Variants in SERPINI1 observed in about 807,000 individuals in gnomAD.
SERPINI1 encodes neuroserpin.
SERPINI1 carries 19 observed loss-of-function variants against 41.1 expected under a neutral mutation model. The observed-to-expected ratio is 0.46, with a 90% CI of 0.32 to 0.68. The LOEUF (loss-of-function observed/expected upper bound fraction) is 0.68. Among genes scored for constraint, SERPINI1 ranks in the 30% least tolerant of loss-of-function variants. The pLI is 0.03. For synonymous variants in SERPINI1, 138 were observed against 156.6 expected (o/e 0.88, Z 0.89); for missense variants, 460 against 479.2 (o/e 0.96, Z 0.37).
chr3:167,772,864 C>CTCTCTCTCTCTATATA (rs1374013676), intron 1 of SERPINI1, among the ~76,000 whole-genome samples: 41 of 24,634 alleles, frequency 1.7e-3, no homozygotes, highest in Admixed American at 3.2e-3. Context: ...CTCTCTCTCT[C>CTCTCTCTCTCTATATA]TATATATATA....
chr3:167,772,776 A>G (rs1726802383), intron 1 of SERPINI1, among the ~76,000 whole-genome samples: 1 of 145,964 alleles, frequency 6.9e-6, no homozygotes, highest in Non-Finnish European at 1.5e-5. Flanking sequence ...TGAGGCAGGA[A>G]AATTGCTTGA....
chr3:167,819,431 T>C (rs2108573564), intron 6 of SERPINI1, among the ~76,000 whole-genome samples: 1 of 152,356 alleles, frequency 6.6e-6, no homozygotes, highest in East Asian at 1.9e-4. Flanking sequence ...CTAATTATAC[T>C]TTATTACTAA....
chr3:167,789,015 T>A, intron 1 of SERPINI1, 96 bp from the exon 2 acceptor site: 1 of 1,194,066 alleles, frequency 8.4e-7, no homozygotes, highest in Non-Finnish European at 1.2e-6. Flanking sequence ...TAACTGTTAA[T>A]TGACTTTTTA....
chr3:167,789,111 G>T lies in SERPINI1; in HGVS notation c.-18G>T. The T allele has an allele frequency of 8.7e-6, 14 of 1,612,848 alleles. No individual in the cohort carries two copies. The highest frequency in any genetic ancestry group is 1.1e-5 in the Non-Finnish European group (13 of 1,179,874). On this transcript the variant is annotated splice_region_variant and 5_prime_UTR_variant, in exon 2 of 9. Coordinates refer to ENST00000446050, the MANE Select transcript of SERPINI1 (RefSeq NM_001122752.2). ...TAATATGTAAATTGTTGTTTTTTAG[G>T]CTTGAAACTGTTACAATATGGCTTT...
intron 1 of SERPINI1, among the ~76,000 whole-genome samples, chr3:167,745,244 C>T (rs1725828298): frequency 1.3e-5 from 2 of 151,640 alleles, no homozygotes; most frequent in Admixed American, 6.6e-5. Flanking sequence ...AAGTTTTATT[C>T]CAGGAATAAA....
intron 1 of SERPINI1, among the ~76,000 whole-genome samples, chr3:167,775,201 C>CT (rs915028034): frequency 6.7e-6 from 1 of 149,806 alleles, no homozygotes; most frequent in Non-Finnish European, 1.5e-5. Flanking sequence ...TTTCCCAGCC[C>CT]TTCAGGGTAC....
chr3:167,736,109 G>A (rs1725416640), intron 1 of SERPINI1: 1 of 152,230 alleles, frequency 6.6e-6, no homozygotes, highest in Non-Finnish European at 1.5e-5. Flanking sequence ...TGAGGACGAG[G>A]TGGATGTTAT....
chr3:167,763,741 G>A lies in SERPINI1; in HGVS notation c.-18-25370G>A, dbSNP rs376614224. 8.9e-4 allele frequency among the ~76,000 whole-genome samples: 135 copies of A among 152,220 alleles called. 7 individuals are homozygous for A. The South Asian group carries it at 0.026, about 29-fold the overall frequency. ...TCAATATGTAGAATTTCTTTTTCAAGAGTTTGGTGATGTAACCCCCAAACT... is the reference window on the plus strand; with the variant it reads ...TCAATATGTAGAATTTCTTTTTCAAAAGTTTGGTGATGTAACCCCCAAACT... On this transcript the variant is annotated intron_variant, in intron 1 of 8. Transcript: ENST00000446050.
chr3:167,809,191 A>G (rs964315333), intron 6 of SERPINI1, among the ~76,000 whole-genome samples: 4 of 152,212 alleles, frequency 2.6e-5, no homozygotes, highest in African/African-American at 7.2e-5. Context: ...ATAATGTGGT[A>G]TCTGTACCTG....
intron 1 of SERPINI1, among the ~76,000 whole-genome samples, chr3:167,744,891 G>A (rs1388911336): frequency 7.3e-6 from 1 of 136,286 alleles, no homozygotes; most frequent in East Asian, 2.0e-4. Context: ...CAACTGAATA[G>A]CTTATTGAGT....
At chr3:167,761,839 G>C (rs1322868045) in intron 1 of SERPINI1, among the ~76,000 whole-genome samples, 1 of 151,968 alleles carries the variant, frequency 6.6e-6, no homozygotes, top group Non-Finnish European at 1.5e-5. Flanking sequence ...CAGAGGAGAA[G>C]GTTTTCAATC....
chr3:167,813,920 C>T (rs1473083665), intron 6 of SERPINI1, among the ~76,000 whole-genome samples: 1 of 152,132 alleles, frequency 6.6e-6, no homozygotes, highest in Non-Finnish European at 1.5e-5. Flanking sequence ...TTCTTTGGGT[C>T]CTTAAGCATG....
At chr3:167,755,046 T>C (rs1726154841) in intron 1 of SERPINI1, among the ~76,000 whole-genome samples, 1 of 152,198 alleles carries the variant, frequency 6.6e-6, no homozygotes, top group African/African-American at 2.4e-5. Flanking sequence ...GATCAAAACA[T>C]TCATTCAACA....
In SERPINI1 at chr3:167,817,557, A is replaced by G. The variant is rs989304551; in HGVS notation, c.980-5429A>G. ...GGTTACTGGATTATTCAAATATTCT[A>G]TTTTTTTCCTTGACTCAATTTTATT... On this transcript the variant is annotated intron_variant, in intron 6 of 8. Transcript: ENST00000446050. Among the ~76,000 whole-genome samples the G allele has an allele frequency of 4.6e-5, 7 of 151,406 alleles. No homozygotes were observed. In the South Asian group the frequency reaches 1.0e-3, roughly 23 times the overall value.
chr3:167,801,575 G>A (rs1232809329), intron 5 of SERPINI1, among the ~76,000 whole-genome samples: 2 of 151,360 alleles, frequency 1.3e-5, no homozygotes, highest in Non-Finnish European at 2.9e-5. Context: ...GCTCTTTTAA[G>A]CTTCAGTTTA....
At chr3:167,787,325 T>G (rs1373538569) in intron 1 of SERPINI1, among the ~76,000 whole-genome samples, 1 of 152,250 alleles carries the variant, frequency 6.6e-6, no homozygotes, top group Non-Finnish European at 1.5e-5. Context: ...CATAAACCAG[T>G]AACACAGTCA....
At chr3:167,813,144 G>A (rs1385038637) in intron 6 of SERPINI1, among the ~76,000 whole-genome samples, 1 of 152,160 alleles carries the variant, frequency 6.6e-6, no homozygotes, top group African/African-American at 2.4e-5. Context: ...GCCCTTGTTT[G>A]TTCTCTTTCT....
intron 1 of SERPINI1, among the ~76,000 whole-genome samples, chr3:167,759,614 G>A (rs1726314336): frequency 6.6e-6 from 1 of 151,878 alleles, no homozygotes; most frequent in Non-Finnish European, 1.5e-5. Flanking sequence ...TAGACACTGG[G>A]GACTCCAAAA....
At chr3:167,759,745 C>T (rs1726318926) in intron 1 of SERPINI1, among the ~76,000 whole-genome samples, 1 of 151,958 alleles carries the variant, frequency 6.6e-6, no homozygotes, top group Admixed American at 6.6e-5. Context: ...TCCATGTAAC[C>T]TCCACATGTA....
Sources: gnomAD v4.1 joint callset for allele counts (sites outside exome capture counted in the v4.1 genomes callset) on GRCh38, gnomAD v4.1.1 for gene constraint, MANE v1.5 for transcripts, NCBI Gene and HGNC (gene_info 2026-07-23, HGNC 2026-07-21) for gene names.